Variants in DYNC1I2 observed in about 807,000 individuals in gnomAD.
DYNC1I2 encodes dynein cytoplasmic 1 intermediate chain 2, also known as cytoplasmic dynein 1 intermediate chain 2.
In DYNC1I2, 53 loss-of-function variants were observed where a neutral mutation model predicts 88.6. That is an observed-to-expected ratio of 0.60 (90% CI 0.48 to 0.75). The LOEUF (loss-of-function observed/expected upper bound fraction) is 0.75. Among genes scored for constraint, DYNC1I2 ranks in the 30% least tolerant of loss-of-function variants. The probability of loss-of-function intolerance (pLI) is 0.00; values close to 1 mark genes in which losing one functional copy is unlikely to be tolerated. For synonymous variants in DYNC1I2, 198 were observed against 254.6 expected (o/e 0.78, Z 2.12); for missense variants, 458 against 766.6 (o/e 0.60, Z 4.75).
chr2:171,694,714 A>G (rs1685636180), intron 3 of DYNC1I2, among the ~76,000 whole-genome samples: 1 of 152,124 alleles, frequency 6.6e-6, no homozygotes, highest in South Asian at 2.1e-4. Context: ...TACAGGAAGT[A>G]TGTTGCTGGC....
chr2:171,740,993 T>G (rs138317017), intron 15 of DYNC1I2, among the ~76,000 whole-genome samples: 2 of 152,284 alleles, frequency 1.3e-5, no homozygotes, highest in African/African-American at 4.8e-5. Context: ...AAACCACTAA[T>G]CAATCTACTT....
chr2:171,726,805 C>T lies in DYNC1I2; in HGVS notation c.885C>T (p.Leu295=), dbSNP rs372523252. The T allele has an allele frequency of 5.6e-6, 9 of 1,612,932 alleles. No individual in the cohort carries two copies. Among genetic ancestry groups the T allele is most frequent in the East Asian group, 2.2e-5 (1 of 44,848 alleles). ...LDWSSQYPEL[L]VASYNNNEDA... The stretch of plus-strand genomic sequence containing the variant: ...CTTCTGAGCAGTATCCGGAGTTACT[C>T]GTGGCTTCCTATAACAACAATGAAG... Residue 295 remains leucine (L), a synonymous_variant, in exon 11 of 18, where the codon CTC becomes CTT. Transcript: ENST00000397119.
intron 3 of DYNC1I2, among the ~76,000 whole-genome samples, chr2:171,697,099 C>T (rs940597678): frequency 6.6e-6 from 1 of 152,100 alleles, no homozygotes; most frequent in African/African-American, 2.4e-5. Context: ...CTCCCAGGCT[C>T]AAGCGATCCT....
chr2:171,693,093 A>G, intron 3 of DYNC1I2, 199 bp downstream of exon 3: 1 of 536,232 alleles, frequency 1.9e-6, no homozygotes, highest in Non-Finnish European at 3.4e-6. Flanking sequence ...CTGCAAGAGT[A>G]ATTATTAACA....
At chr2:171,694,840 A>G (rs1279982647) in intron 3 of DYNC1I2, among the ~76,000 whole-genome samples, 2 of 151,622 alleles carry the variant, frequency 1.3e-5, no homozygotes. Context: ...ACAGTTTTAA[A>G]CAAAACCGTG....
In DYNC1I2 at chr2:171,749,447, TGTA is replaced by T. The variant is rs1689979037; in HGVS notation, c.*1560_*1562del. On this transcript the variant is annotated 3_prime_UTR_variant, in exon 18 of 18. Transcript: ENST00000397119. ...AAGACAATATCTCAAGTTATCTCAT[TGTA>T]GCAGTGTCTGTGAGTCAAAACTTCA... Among the ~76,000 whole-genome samples, 1 of 152,132 alleles carries T rather than the reference TGTA, an allele frequency of 6.6e-6. No individual in the cohort carries two copies. The highest frequency in any genetic ancestry group is 2.4e-5 in the African/African-American group (1 of 41,454).
rs1183833291 is a variant in DYNC1I2 at position 171,712,770 on chromosome 2, G to A, written c.339G>A (p.Thr113=). 8.1e-6 allele frequency: 13 copies of A among 1,612,770 alleles called. No individual in the cohort carries two copies. The highest frequency in any genetic ancestry group is 3.3e-5 in the Admixed American group (2 of 59,884). ...DSGDGAVGSR[T]LHWDTDPSVL... ...TGGTTGTCCTACAACCATTTAGGACGCTGCATTGGGATACAGATCCATCAG... is the reference window on the plus strand; with the variant it reads ...TGGTTGTCCTACAACCATTTAGGACACTGCATTGGGATACAGATCCATCAG... Residue 113 remains threonine (T), a synonymous_variant, in exon 6 of 18, where the codon ACG becomes ACA. Coordinates refer to ENST00000397119, the MANE Select transcript of DYNC1I2 (RefSeq NM_001378.3).
At chr2:171,704,222 A>G (rs1686493110) in intron 3 of DYNC1I2, among the ~76,000 whole-genome samples, 1 of 152,126 alleles carries the variant, frequency 6.6e-6, no homozygotes, top group Non-Finnish European at 1.5e-5. Context: ...TGGAAGGACA[A>G]GGTCTAAGCT....
intron 7 of DYNC1I2, among the ~76,000 whole-genome samples, chr2:171,719,674 C>A (rs770333390): frequency 6.6e-6 from 1 of 152,132 alleles, no homozygotes; most frequent in Non-Finnish European, 1.5e-5. Flanking sequence ...CTTTTGTATT[C>A]TTTTTTTAAA....
At chr2:171,701,734 T>A (rs1372662516) in intron 3 of DYNC1I2, among the ~76,000 whole-genome samples, 2 of 152,218 alleles carry the variant, frequency 1.3e-5, no homozygotes, top group African/African-American at 4.8e-5. Flanking sequence ...GGATTAGTTA[T>A]AAGACAGTGG....
intron 3 of DYNC1I2, among the ~76,000 whole-genome samples, chr2:171,705,077 C>A (rs551146557): frequency 1.7e-3 from 253 of 152,094 alleles, no homozygotes; most frequent in African/African-American, 5.6e-3. Context: ...TATATAATTA[C>A]AAATGTGAAG....
At position 171,721,121 on chromosome 2, in the gene DYNC1I2, TAAAAAA is replaced by T. The variant is rs1170082849; in HGVS notation, c.512-4476_512-4471del. Among the ~76,000 whole-genome samples the T allele has an allele frequency of 1.5e-4, 9 of 60,786 alleles. No individual in the cohort carries two copies. In the East Asian group the frequency reaches 3.2e-3, roughly 22 times the overall value. The allele number at this position is 60,786 out of a possible 152,430, so 39.9% of individuals were successfully genotyped here. ...AGGCACATAGCAAGACCCCATCTCT[TAAAAAA>T]AAAAAAAAAAAAAAAAAAAAGAACT... On this transcript the variant is annotated intron_variant, in intron 7 of 17. Transcript: ENST00000397119.
At chr2:171,729,610 A>G (rs1047373325) in intron 14 of DYNC1I2, 99 bp from the exon 15 acceptor site, 22 of 1,274,782 alleles carry the variant, frequency 1.7e-5, no homozygotes, top group Admixed American at 2.2e-5. Flanking sequence ...GTCTGTCAAA[A>G]TGAAGTCAAG....
At chr2:171,746,730 AT>A (rs1689809106) in intron 17 of DYNC1I2, among the ~76,000 whole-genome samples, 2 of 152,246 alleles carry the variant, frequency 1.3e-5, no homozygotes, top group South Asian at 4.1e-4. Context: ...GCGTAACTGA[AT>A]TTTTAATTTT....
chr2:171,696,098 T>G (rs1166445719), intron 3 of DYNC1I2, among the ~76,000 whole-genome samples: 2 of 152,236 alleles, frequency 1.3e-5, no homozygotes, highest in Non-Finnish European at 2.9e-5. Context: ...TTTGTATATT[T>G]TAGGGAGGAC....
At position 171,730,634 on chromosome 2, in the gene DYNC1I2, C is replaced by T. The variant is rs112037090; in HGVS notation, c.1536+781C>T. Among the ~76,000 whole-genome samples the T allele has an allele frequency of 2.7e-4, 41 of 152,192 alleles. 2 individuals are homozygous for T. Among genetic ancestry groups the T allele is most frequent in the African/African-American group, 9.2e-4 (38 of 41,514 alleles). On this transcript the variant is annotated intron_variant, in intron 15 of 17. Transcript: ENST00000397119. ...TTAACTTTGCTGTCTAGTTTTTCTG[C>T]GGTATTAACATTATTGCTGAGAAAA...
intron 15 of DYNC1I2, among the ~76,000 whole-genome samples, chr2:171,730,386 A>T (rs1688528330): frequency 6.6e-6 from 1 of 152,196 alleles, no homozygotes; most frequent in Non-Finnish European, 1.5e-5. Context: ...ATTTTTTGTT[A>T]TTCTATGATA....
chr2:171,701,557 A>C (rs1686262102), intron 3 of DYNC1I2, among the ~76,000 whole-genome samples: 2 of 152,204 alleles, frequency 1.3e-5, no homozygotes, highest in South Asian at 4.1e-4. Flanking sequence ...GAAAGATACC[A>C]TTAAACTTCA....
At chr2:171,703,367 C>G (rs1488020296) in intron 3 of DYNC1I2, among the ~76,000 whole-genome samples, 2 of 152,104 alleles carry the variant, frequency 1.3e-5, no homozygotes, top group African/African-American at 4.8e-5. Flanking sequence ...TCCTGAGTAG[C>G]TGGGACTACA....
Sources: allele counts gnomAD v4.1 joint callset (sites outside exome capture counted in the v4.1 genomes callset), GRCh38; gene constraint gnomAD v4.1.1; transcripts MANE v1.5; gene names NCBI Gene and HGNC (gene_info 2026-07-23, HGNC 2026-07-21).